Variants in TMEM132B observed in about 807,000 individuals in gnomAD.
The protein encoded by TMEM132B is transmembrane protein 132B.
In TMEM132B, 18 loss-of-function variants were observed where a neutral mutation model predicts 90.8. The observed-to-expected ratio is 0.20, with a 90% CI of 0.14 to 0.29. The LOEUF (loss-of-function observed/expected upper bound fraction) is 0.29, where lower values mean the gene tolerates loss of function less well. TMEM132B is among the 10% of genes least tolerant of loss of function. TMEM132B has a pLI of 1.00. For synonymous variants in TMEM132B, 504 were observed against 523.3 expected (o/e 0.96, Z 0.50); for missense variants, 1,096 against 1,326.8 (o/e 0.83, Z 2.70).
intron 3 of TMEM132B, among the ~76,000 whole-genome samples, chr12:125,465,274 G>T (rs537337848): frequency 6.6e-6 from 1 of 152,238 alleles, no homozygotes; most frequent in South Asian, 2.1e-4. Context: ...GGAAATTAAG[G>T]CTGTAATTTG....
At chr12:125,525,923 A>G (rs1355066253) in intron 4 of TMEM132B, among the ~76,000 whole-genome samples, 1 of 152,074 alleles carries the variant, frequency 6.6e-6, no homozygotes, top group Non-Finnish European at 1.5e-5. Context: ...ACCCTGGGGG[A>G]AGTTGCCTAG....
intron 5 of TMEM132B, among the ~76,000 whole-genome samples, chr12:125,591,589 T>G (rs1885319865): frequency 6.6e-6 from 1 of 152,206 alleles, no homozygotes; most frequent in Admixed American, 6.5e-5. Context: ...TACCACAAAC[T>G]TGATGGCTTA....
At chr12:125,397,190 C>T (rs1311447334) in intron 2 of TMEM132B, among the ~76,000 whole-genome samples, 2 of 152,062 alleles carry the variant, frequency 1.3e-5, no homozygotes, top group Non-Finnish European at 2.9e-5. Flanking sequence ...CCAGGATGGT[C>T]TCCATCTCCT....
rs989045339 is a variant in TMEM132B at position 125,492,980 on chromosome 12, G to T, written c.1107-26459G>T. Among the ~76,000 whole-genome samples the T allele has an allele frequency of 4.6e-5, 7 of 152,208 alleles. No homozygotes were observed. Among genetic ancestry groups the T allele is most frequent in the African/African-American group, 1.7e-4 (7 of 41,446 alleles). ...AGAAATACCAGGCACTCTGAGAAAG[G>T]GAGGTGGCACTCCATATCAGGACTA... On this transcript the variant is annotated intron_variant, in intron 3 of 8. Coordinates refer to ENST00000682704, the MANE Select transcript of TMEM132B (RefSeq NM_001366854.1). The surrounding 1 kb of genome is among the most constrained non-coding windows in gnomAD (Gnocchi z 5.8).
rs79389397 is a variant in TMEM132B at position 125,538,865 on chromosome 12, C to T, written c.1293+19240C>T. Among the ~76,000 whole-genome samples the T allele has an allele frequency of 2.8e-3, 427 of 152,234 alleles. 1 individual carries two copies. Among genetic ancestry groups the T allele is most frequent in the African/African-American group, 9.9e-3 (410 of 41,538 alleles). On this transcript the variant is annotated intron_variant, in intron 4 of 8. Transcript: ENST00000682704. ...CGGAATAAAAATAGAGGAGTTACCC[C>T]GGATGCCTCTCCATTTTCAAGCATC...
At chr12:125,470,226 G>C (rs572269951) in intron 3 of TMEM132B, among the ~76,000 whole-genome samples, 1 of 152,242 alleles carries the variant, frequency 6.6e-6, no homozygotes, top group South Asian at 2.1e-4. Flanking sequence ...TCCCACCTCA[G>C]CTGCTGAGCT....
intron 1 of TMEM132B, among the ~76,000 whole-genome samples, chr12:125,267,632 G>A (rs1296120710): frequency 6.6e-6 from 1 of 152,134 alleles, no homozygotes; most frequent in African/African-American, 2.4e-5. Flanking sequence ...AGAGGTAACT[G>A]AAACTCGCAC....
At chr12:125,581,386 GT>G (rs1885049873) in intron 4 of TMEM132B, among the ~76,000 whole-genome samples, 1 of 152,174 alleles carries the variant, frequency 6.6e-6, no homozygotes. Context: ...TTCAGGTATA[GT>G]TGGATTCAGG....
chr12:125,500,081 C>T (rs1277687733), intron 3 of TMEM132B, among the ~76,000 whole-genome samples: 8 of 152,128 alleles, frequency 5.3e-5, no homozygotes, highest in Admixed American at 2.6e-4. Flanking sequence ...GGTGATCCCC[C>T]GGGACCCAGC....
intron 3 of TMEM132B, among the ~76,000 whole-genome samples, chr12:125,504,334 T>C (rs1566056301): frequency 2.0e-5 from 3 of 152,220 alleles, no homozygotes; most frequent in African/African-American, 7.2e-5. Context: ...TTGGATTTGT[T>C]TTTTTAATAT....
At chr12:125,617,344 CTTTT>C (rs772003323) in intron 5 of TMEM132B, among the ~76,000 whole-genome samples, 2 of 135,212 alleles carry the variant, frequency 1.5e-5, no homozygotes, top group Admixed American at 7.4e-5. Flanking sequence ...TTTCACTGCC[CTTTT>C]TTTTTTTTTT....
At chr12:125,371,398 C>T (rs781530136) in intron 2 of TMEM132B, among the ~76,000 whole-genome samples, 30 of 152,220 alleles carry the variant, frequency 2.0e-4, no homozygotes, top group Non-Finnish European at 3.8e-4. Flanking sequence ...GGAGGGCATC[C>T]GAGGGACCCG....
At chr12:125,256,055 G>A (rs943502833) in intron 1 of TMEM132B, among the ~76,000 whole-genome samples, 1 of 151,862 alleles carries the variant, frequency 6.6e-6, no homozygotes, top group Non-Finnish European at 1.5e-5. Flanking sequence ...TTTCACAGAA[G>A]CGATTCTGGG....
At chr12:125,546,903 A>G (rs1200075485) in intron 4 of TMEM132B, among the ~76,000 whole-genome samples, 1 of 152,244 alleles carries the variant, frequency 6.6e-6, no homozygotes, top group African/African-American at 2.4e-5. Context: ...ACAGTTCTGC[A>G]TGGCTGGGGA....
intron 5 of TMEM132B, among the ~76,000 whole-genome samples, chr12:125,606,964 TGTAAAGGCCC>T (rs1885710905): frequency 6.6e-6 from 1 of 152,158 alleles, no homozygotes; most frequent in Non-Finnish European, 1.5e-5. Context: ...CTGATTGGCT[TGTAAAGGCCC>T]ACCCAGTCAG....
chr12:125,389,337 C>T (rs1221791483), intron 2 of TMEM132B, among the ~76,000 whole-genome samples: 1 of 147,450 alleles, frequency 6.8e-6, no homozygotes, highest in Non-Finnish European at 1.5e-5. Flanking sequence ...TCCTCCCTCC[C>T]CTCCCCTCCC....
chr12:125,598,751 C>A (rs1043727353), intron 5 of TMEM132B, among the ~76,000 whole-genome samples: 1 of 152,128 alleles, frequency 6.6e-6, no homozygotes, highest in African/African-American at 2.4e-5. Flanking sequence ...CTGAGCATTG[C>A]GCCTCAGAGT....
chr12:125,626,677 C>G (rs1886242478), intron 5 of TMEM132B, among the ~76,000 whole-genome samples: 1 of 152,006 alleles, frequency 6.6e-6, no homozygotes, highest in Non-Finnish European at 1.5e-5. Context: ...TGTTATCCAT[C>G]TTCTTCTGTA....
In TMEM132B at chr12:125,654,635, G is replaced by C; in HGVS notation, c.3177G>C (p.Trp1059Cys). The change falls in exon 9 of 9, where the codon TGG becomes TGC. Residue 1059 changes from tryptophan to cysteine, a missense_variant. Coordinates refer to ENST00000682704, the MANE Select transcript of TMEM132B (RefSeq NM_001366854.1). This position sits in a 1 kb window ranked among gnomAD's most constrained non-coding sequence, Gnocchi z 5.8. ...ILFDSDDNIK[W>C]VCQDMGLGDS... ...TTGACAGCGATGATAACATCAAGTGGGTCTGCCAAGATATGGGGCTGGGGG... is the reference window on the plus strand; with the variant it reads ...TTGACAGCGATGATAACATCAAGTGCGTCTGCCAAGATATGGGGCTGGGGG... 6.2e-7 allele frequency: 1 copy of C among 1,614,188 alleles called. No individual in the cohort carries two copies. The highest frequency in any genetic ancestry group is 8.5e-7 in the Non-Finnish European group (1 of 1,180,032).
Sources: gnomAD v4.1 joint callset for allele counts (sites outside exome capture counted in the v4.1 genomes callset) on GRCh38, gnomAD v4.1.1 for gene constraint, Gnocchi (gnomAD v3.1) non-coding constraint, MANE v1.5 for transcripts, NCBI Gene and HGNC (gene_info 2026-07-23, HGNC 2026-07-21) for gene names.